The following STXBP5L variants were observed in gnomAD, a reference collection of about 807,000 sequenced individuals.
The protein encoded by STXBP5L is syntaxin binding protein 5L, also known as syntaxin-binding protein 5-like.
In STXBP5L, 65 loss-of-function variants were observed where a neutral mutation model predicts 144.5. That is an observed-to-expected ratio of 0.45 (90% CI 0.37 to 0.55). The LOEUF is 0.55. Ranked by LOEUF, STXBP5L falls within the 20% of genes least tolerant of loss-of-function variation. STXBP5L has a pLI of 0.00. For synonymous variants in STXBP5L, 505 were observed against 469.6 expected (o/e 1.08, Z -0.97); for missense variants, 1,298 against 1,405.5 (o/e 0.92, Z 1.22).
intron 10 of STXBP5L, among the ~76,000 whole-genome samples, chr3:121,213,048 G>A (rs545814613): frequency 2.6e-5 from 4 of 152,106 alleles, no homozygotes; most frequent in South Asian, 4.1e-4. Context: ...TGTGATTTTT[G>A]CAAATTAGTT....
intron 3 of STXBP5L, among the ~76,000 whole-genome samples, chr3:120,991,883 G>A (rs999892772): frequency 1.3e-5 from 2 of 152,088 alleles, no homozygotes; most frequent in Non-Finnish European, 2.9e-5. Context: ...AATGGGTGCA[G>A]CATACCAACA....
intron 22 of STXBP5L, among the ~76,000 whole-genome samples, chr3:121,402,027 GA>G (rs1249400758): frequency 6.6e-6 from 1 of 151,978 alleles, no homozygotes; most frequent in Admixed American, 6.6e-5. Flanking sequence ...CCCAATTTTT[GA>G]ACAAAAAGTC....
chr3:121,301,027 C>T (rs1007867227), intron 19 of STXBP5L, among the ~76,000 whole-genome samples: 8 of 152,244 alleles, frequency 5.3e-5, no homozygotes, highest in Middle Eastern at 3.4e-3. Flanking sequence ...TTTGGCAATG[C>T]GGGATCTTTT....
intron 18 of STXBP5L, among the ~76,000 whole-genome samples, chr3:121,269,479 A>T (rs1433393906): frequency 6.6e-6 from 1 of 152,032 alleles, no homozygotes; most frequent in Non-Finnish European, 1.5e-5. Flanking sequence ...TCTGGGTCAG[A>T]ACAAAGATAG....
intron 2 of STXBP5L, among the ~76,000 whole-genome samples, chr3:120,951,950 A>G (rs1399118140): frequency 1.3e-5 from 2 of 151,986 alleles, no homozygotes; most frequent in East Asian, 3.9e-4. Flanking sequence ...TGTGGCACAT[A>G]TACACCATGG....
chr3:121,382,285 G>A (rs1027703601), intron 22 of STXBP5L, among the ~76,000 whole-genome samples: 2 of 151,888 alleles, frequency 1.3e-5, no homozygotes, highest in Non-Finnish European at 2.9e-5. Flanking sequence ...TATATAGAAG[G>A]TTACACTTGT....
At chr3:121,387,992 C>A (rs1253165347) in intron 22 of STXBP5L, among the ~76,000 whole-genome samples, 1 of 152,182 alleles carries the variant, frequency 6.6e-6, no homozygotes, top group Admixed American at 6.5e-5. Flanking sequence ...TTACCTTGGG[C>A]AGTATGGCCA....
intron 5 of STXBP5L, among the ~76,000 whole-genome samples, chr3:121,046,048 T>C (rs568339056): frequency 6.6e-6 from 1 of 152,288 alleles, no homozygotes; most frequent in East Asian, 1.9e-4. Flanking sequence ...CTTTAATGTC[T>C]AGTTTGTTGA....
intron 19 of STXBP5L, among the ~76,000 whole-genome samples, chr3:121,316,831 C>T (rs1028980126): frequency 2.6e-5 from 4 of 152,170 alleles, no homozygotes; most frequent in South Asian, 2.1e-4. Flanking sequence ...ATTACAGTTC[C>T]TTTCTCTGCC....
chr3:120,945,846 T>G (rs1710827288), intron 2 of STXBP5L, among the ~76,000 whole-genome samples: 1 of 151,812 alleles, frequency 6.6e-6, no homozygotes, highest in Non-Finnish European at 1.5e-5. Flanking sequence ...AGAATTTCTC[T>G]TGGAGTTGTT....
At chr3:121,242,524 A>C (rs1240911812) in intron 14 of STXBP5L, among the ~76,000 whole-genome samples, 1 of 152,160 alleles carries the variant, frequency 6.6e-6, no homozygotes, top group East Asian at 1.9e-4. Context: ...GGTACACTTA[A>C]AAACACTACT....
rs567022181 is a variant in STXBP5L, at chr3:120,990,789, G to A, written c.287+35752G>A. Among the ~76,000 whole-genome samples the A allele has an allele frequency of 2.0e-5, 3 of 152,294 alleles. No individual in the cohort carries two copies. In the East Asian group the frequency reaches 5.8e-4, roughly 29 times the overall value. The stretch of plus-strand genomic sequence containing the variant: ...ACTGGCTAGCCATATGTAGAAAGCT[G>A]AAACTGGATCCCTTCCTTACACGTT... On this transcript the variant is annotated intron_variant, in intron 3 of 26. Transcript: ENST00000471454.
At chr3:121,151,149 T>A (rs566411980) in intron 7 of STXBP5L, among the ~76,000 whole-genome samples, 65 of 152,154 alleles carry the variant, frequency 4.3e-4, no homozygotes, top group South Asian at 3.1e-3. Flanking sequence ...TTCTCTTGTA[T>A]GTAAAAAAAA....
intron 3 of STXBP5L, among the ~76,000 whole-genome samples, chr3:121,024,298 A>G (rs1455450030): frequency 1.3e-5 from 2 of 152,216 alleles, no homozygotes; most frequent in Non-Finnish European, 2.9e-5. Context: ...TGGATCACAA[A>G]TAAGCATATG....
At chr3:121,363,222 C>T (rs2045766220) in intron 20 of STXBP5L, among the ~76,000 whole-genome samples, 1 of 152,152 alleles carries the variant, frequency 6.6e-6, no homozygotes, top group Non-Finnish European at 1.5e-5. Flanking sequence ...GTGATACCAG[C>T]AGTCCCTTGG....
rs545276111 is a variant in STXBP5L, at chr3:121,044,086, A to G, written c.370-1349A>G. On this transcript the variant is annotated intron_variant, in intron 4 of 26. Transcript: ENST00000471454. The stretch of plus-strand genomic sequence containing the variant: ...ACACAAAAATTATCAAGGCTTATAT[A>G]TAGAATACCTCCTATTTCATTGAAG... 4.9e-4 allele frequency among the ~76,000 whole-genome samples: 74 copies of G among 152,326 alleles called. 1 individual carries two copies. The highest frequency in any genetic ancestry group is 1.8e-3 in the African/African-American group (73 of 41,582).
intron 8 of STXBP5L, among the ~76,000 whole-genome samples, chr3:121,155,152 C>T (rs139041420): frequency 3.9e-4 from 60 of 151,912 alleles, no homozygotes; most frequent in South Asian, 2.3e-3. Context: ...TCTCAATTGT[C>T]GACAATACAC....
Position 121,204,057 on chromosome 3 carries a change from G to A in STXBP5L, c.878-1866G>A, listed in dbSNP as rs140919102. Among the ~76,000 whole-genome samples, 132 of 152,194 alleles carry A rather than the reference G, an allele frequency of 8.7e-4. 1 individual carries two copies. Among genetic ancestry groups the A allele is most frequent in the African/African-American group, 2.9e-3 (121 of 41,542 alleles). On this transcript the variant is annotated intron_variant, in intron 9 of 26. Coordinates refer to ENST00000471454, the MANE Select transcript of STXBP5L (RefSeq NM_001308330.2). ...GATTGAGACCATCCTGGCTAACACG[G>A]TGAAATTCTGTCTCTACTAAAAATA...
chr3:121,272,326 T>C (rs577998907), intron 18 of STXBP5L, among the ~76,000 whole-genome samples: 82 of 152,340 alleles, frequency 5.4e-4, no homozygotes, highest in Middle Eastern at 3.4e-3. Context: ...ACATATGTAT[T>C]CATAGTTGTT....
Sources: allele counts gnomAD v4.1 joint callset (sites outside exome capture counted in the v4.1 genomes callset), GRCh38; gene constraint gnomAD v4.1.1; transcripts MANE v1.5; gene names NCBI Gene and HGNC (gene_info 2026-07-23, HGNC 2026-07-21).